The following FLT1 variants were observed in gnomAD, a reference collection of about 807,000 sequenced individuals.
FLT1 encodes fms related receptor tyrosine kinase 1, also known as vascular endothelial growth factor receptor 1.
FLT1 carries 49 observed loss-of-function variants against 156.3 expected under a neutral mutation model. That is an observed-to-expected ratio of 0.31 (90% CI 0.25 to 0.40). FLT1 has a LOEUF of 0.40. Ranked by LOEUF, FLT1 falls within the 10% of genes least tolerant of loss-of-function variation. FLT1 has a pLI of 1.00. For synonymous variants in FLT1, 594 were observed against 583.8 expected, an observed-to-expected ratio of 1.02 and a Z score of -0.25; for missense variants, 1,322 against 1,637.2, an observed-to-expected ratio of 0.81 and a Z score of 3.32.
At chr13:28,335,931 C>A (rs1444318508) in intron 17 of FLT1, among the ~76,000 whole-genome samples, 1 of 152,214 alleles carries the variant, frequency 6.6e-6, no homozygotes, top group East Asian at 1.9e-4. Context: ...GATGCCTTCT[C>A]TATACTAGTA....
intron 16 of FLT1, among the ~76,000 whole-genome samples, chr13:28,343,040 A>T (rs1465102768): frequency 6.6e-6 from 1 of 151,800 alleles, no homozygotes; most frequent in African/African-American, 2.4e-5. Flanking sequence ...ATGCAGTGGC[A>T]TGATCTCAAC....
chr13:28,382,038 A>G (rs11841279), intron 14 of FLT1, among the ~76,000 whole-genome samples: 2,337 of 152,354 alleles, frequency 0.015, 61 homozygotes, highest in African/African-American at 0.053. Context: ...GGAGACATAT[A>G]TGAACTGGTG....
At chr13:28,425,294 A>C (rs183587151) in intron 10 of FLT1, among the ~76,000 whole-genome samples, 9 of 152,380 alleles carry the variant, frequency 5.9e-5, no homozygotes, top group Non-Finnish European at 1.2e-4. Flanking sequence ...GTAGTGAAAA[A>C]AAATGCCTTG....
chr13:28,375,852 T>C (rs149516415), intron 14 of FLT1, among the ~76,000 whole-genome samples: 19 of 152,358 alleles, frequency 1.2e-4, no homozygotes, highest in Non-Finnish European at 2.5e-4. Context: ...TCTGCAATAA[T>C]AGTTCTTCAT....
At chr13:28,417,337 G>T (rs1876710637) in intron 10 of FLT1, among the ~76,000 whole-genome samples, 1 of 151,800 alleles carries the variant, frequency 6.6e-6, no homozygotes. Context: ...TCACATCTTT[G>T]TCCCTCTCCC....
At chr13:28,430,230 G>T in intron 7 of FLT1, 63 bp from the exon 8 acceptor site, 1 of 1,152,014 alleles carries the variant, frequency 8.7e-7, no homozygotes, top group Non-Finnish European at 1.3e-6. Context: ...AAACCTTAGG[G>T]CCTCATTCAG....
intron 23 of FLT1, 119 bp from the exon 24 acceptor site, chr13:28,319,653 G>A (rs1473263840): frequency 3.4e-5 from 24 of 696,688 alleles, no homozygotes; most frequent in South Asian, 3.2e-4. Context: ...TCCGAGAGCA[G>A]CTCTGGTTTC....
At chr13:28,417,015 G>A (rs543087592) in intron 10 of FLT1, among the ~76,000 whole-genome samples, 9 of 152,236 alleles carry the variant, frequency 5.9e-5, no homozygotes, top group South Asian at 2.1e-4. Flanking sequence ...GATACAGTGC[G>A]CATACTGCAG....
rs919804817 is a variant in FLT1, at chr13:28,302,471, A to ATT, written c.*694_*695dup. 151 of 233,250 alleles carry ATT rather than the reference A, an allele frequency of 6.5e-4. No individual in the cohort carries two copies. The highest frequency in any genetic ancestry group is 3.2e-3 in the African/African-American group (146 of 45,446). The allele number at this position is 233,250 out of a possible 1,614,324, so 14.4% of individuals were successfully genotyped here. A position where few individuals can be genotyped will look rare whatever the true frequency, so the allele number is the denominator to read the frequency against. On this transcript the variant is annotated 3_prime_UTR_variant, in exon 30 of 30. Transcript: ENST00000282397. ...AATTTGCTTTAGTTCCAAAAAAGAT[A>ATT]TTTGTCCTTTTCTTGCCTCCCAGAA...
chr13:28,411,268 C>G (rs1392386411), intron 10 of FLT1, among the ~76,000 whole-genome samples: 1 of 151,630 alleles, frequency 6.6e-6, no homozygotes, highest in South Asian at 2.1e-4. Context: ...AAAAAAAAAT[C>G]TGGCCAGGCG....
chr13:28,456,436 C>T (rs1457562911), intron 3 of FLT1, among the ~76,000 whole-genome samples: 2 of 152,054 alleles, frequency 1.3e-5, no homozygotes, highest in African/African-American at 4.8e-5. Context: ...TCTGAAAAGG[C>T]TACATACTGT....
chr13:28,366,351 T>C (rs1873292511), intron 14 of FLT1, among the ~76,000 whole-genome samples: 1 of 152,230 alleles, frequency 6.6e-6, no homozygotes, highest in South Asian at 2.1e-4. Context: ...GTATGAGCCA[T>C]GCTAATCTAT....
intron 1 of FLT1, among the ~76,000 whole-genome samples, chr13:28,475,701 TA>T (rs140112984): frequency 1.3e-5 from 2 of 152,102 alleles, no homozygotes; most frequent in East Asian, 1.9e-4. Context: ...TGAAACTTAA[TA>T]AAAAAAAGTT....
chr13:28,346,299 A>G (rs2138860303), intron 15 of FLT1: 1 of 152,456 alleles, frequency 6.6e-6, no homozygotes, highest in African/African-American at 2.4e-5. Flanking sequence ...TATTCAAGCC[A>G]TGCCTCCAGA....
At chr13:28,318,272 G>GA (rs1159295106) in intron 24 of FLT1, among the ~76,000 whole-genome samples, 2 of 152,278 alleles carry the variant, frequency 1.3e-5, no homozygotes, top group African/African-American at 4.8e-5. Context: ...GAGGGAAGGG[G>GA]GGCTTTGCGC....
chr13:28,404,141 T>C (rs1875640231), intron 11 of FLT1, among the ~76,000 whole-genome samples: 1 of 152,162 alleles, frequency 6.6e-6, no homozygotes, highest in African/African-American at 2.4e-5. Context: ...CTCTTATCAA[T>C]AGCTATACAT....
intron 18 of FLT1, among the ~76,000 whole-genome samples, chr13:28,330,647 A>T (rs113379658): frequency 0.014 from 2,161 of 149,166 alleles, 52 homozygotes; most frequent in African/African-American, 0.05. Context: ...TAGTCTATTT[A>T]AAAAATCTAT....
intron 18 of FLT1, among the ~76,000 whole-genome samples, chr13:28,331,418 T>G (rs1211220965): frequency 6.6e-6 from 1 of 152,224 alleles, no homozygotes; most frequent in African/African-American, 2.4e-5. Flanking sequence ...TTTTGACTTA[T>G]GGCCTTTGTT....
chr13:28,301,017 A>G lies in FLT1; in HGVS notation c.*2150T>C. The G allele has an allele frequency of 4.3e-6, 1 of 232,808 alleles. No homozygotes were observed. Among genetic ancestry groups the G allele is most frequent in the East Asian group, 6.1e-5 (1 of 16,466 alleles). 14.4% of individuals were successfully genotyped at this position (232,808 alleles called of 1,614,324 possible). A position where few individuals can be genotyped will look rare whatever the true frequency, so the allele number is the denominator to read the frequency against. On this transcript the variant is annotated 3_prime_UTR_variant, in exon 30 of 30. Transcript: ENST00000282397. ...ATGTATGCTACAAACCTGAGTTTGA[A>G]GGAGCTGAGTAACAATTCTAATGGT...
Sources: gnomAD v4.1 joint callset for allele counts (sites outside exome capture counted in the v4.1 genomes callset) on GRCh38, gnomAD v4.1.1 for gene constraint, MANE v1.5 for transcripts, NCBI Gene and HGNC (gene_info 2026-07-23, HGNC 2026-07-21) for gene names.